Variants in ZNF586 observed in about 807,000 individuals in gnomAD.
ZNF586 encodes zinc finger protein 586.
A neutral mutation model predicts 6.7 loss-of-function variants in ZNF586; 7 were observed. That is an observed-to-expected ratio of 1.04 (90% CI 0.59 to 1.95). The LOEUF is 1.95. Ranked by LOEUF, ZNF586 falls within the 30% of genes most tolerant of loss-of-function variation. The pLI, the probability that ZNF586 is intolerant of heterozygous loss-of-function variation, is 0.00. For synonymous variants in ZNF586, 166 were observed against 168.7 expected (o/e 0.98, Z 0.12); for missense variants, 442 against 489.6 (o/e 0.90, Z 0.92).
In ZNF586 at chr19:57,769,895, C is replaced by G; in HGVS notation, c.36+17C>G. 6.5e-7 allele frequency: 1 copy of G among 1,531,914 alleles called. No homozygotes were observed. Among genetic ancestry groups the G allele is most frequent in the Non-Finnish European group, 8.8e-7 (1 of 1,137,898 alleles). 94.9% of individuals were successfully genotyped at this position (1,531,914 alleles called of 1,614,324 possible). On this transcript the variant is annotated intron_variant, in intron 1 of 2. Transcript: ENST00000396154. ...CCTGCTCAGGTGAGCGCTGCGACCT[C>G]CGGGCCTTACCCACCCTACCCACCC...
Position 57,773,411 on chromosome 19 carries a change from T to C in ZNF586, c.37-3132T>C, listed in dbSNP as rs1290617002. Among the ~76,000 whole-genome samples the C allele has an allele frequency of 2.0e-5, 3 of 150,138 alleles. 1 individual carries two copies. The East Asian group carries it at 5.8e-4, about 29-fold the overall frequency. On this transcript the variant is annotated intron_variant, in intron 1 of 2. Transcript: ENST00000396154. ...TCTGTTTCTTCTTCTTCTTTTTTTT[T>C]TTTTTTTTTTGAGACAGAGTTTTGC...
intron 1 of ZNF586, among the ~76,000 whole-genome samples, chr19:57,775,080 G>A (rs1215393180): frequency 6.6e-6 from 1 of 151,234 alleles, no homozygotes; most frequent in African/African-American, 2.4e-5. Context: ...CTCACTGCAA[G>A]CTCCGCCTCC....
chr19:57,775,466 G>A (rs1355893853), intron 1 of ZNF586, among the ~76,000 whole-genome samples: 1 of 152,126 alleles, frequency 6.6e-6, no homozygotes, highest in Admixed American at 6.5e-5. Context: ...CTATGCTCCA[G>A]CAGGAGTGAC....
Position 57,769,677 on chromosome 19 carries a change from C to A in ZNF586, c.-166C>A. On this transcript the variant is annotated 5_prime_UTR_variant, in exon 1 of 3. Transcript: ENST00000396154. The stretch of plus-strand genomic sequence containing the variant: ...GTCCTAGCCGTGGCAGCCATTTTGG[C>A]CTGTCAGGTCCATCCGGCGATGCTG... 1.4e-6 allele frequency: 1 copy of A among 707,898 alleles called. No homozygotes were observed. The highest frequency in any genetic ancestry group is 2.4e-6 in the Non-Finnish European group (1 of 424,932). The allele number at this position is 707,898 out of a possible 1,614,324, so 43.9% of individuals were successfully genotyped here. A position where few individuals can be genotyped will look rare whatever the true frequency, so the allele number is the denominator to read the frequency against.
At chr19:57,777,468 A>G (rs944320803) in intron 2 of ZNF586, among the ~76,000 whole-genome samples, 6 of 152,268 alleles carry the variant, frequency 3.9e-5, no homozygotes, top group Middle Eastern at 6.8e-3. Context: ...GAGTAAGGTC[A>G]TGACATCAGG....
intron 2 of ZNF586, among the ~76,000 whole-genome samples, chr19:57,778,498 G>C (rs1987295364): frequency 6.6e-6 from 1 of 152,132 alleles, no homozygotes; most frequent in African/African-American, 2.4e-5. Context: ...CCACAGGCAA[G>C]TTGTTTGCAA....
chr19:57,776,774 G>C (rs915613527), intron 2 of ZNF586, 105 bp downstream of exon 2: 2 of 1,332,482 alleles, frequency 1.5e-6, no homozygotes, highest in Admixed American at 2.4e-5. Context: ...TCATTCTCCA[G>C]TTCTCTGGAG....
Position 57,780,460 on chromosome 19 carries a change from A to C in ZNF586, c.*664A>C, listed in dbSNP as rs997308754. 1 of 152,112 alleles carries C rather than the reference A, an allele frequency of 6.6e-6. No individual in the cohort carries two copies. Among genetic ancestry groups the C allele is most frequent in the Non-Finnish European group, 1.5e-5 (1 of 68,048 alleles). 9.4% of individuals were successfully genotyped at this position (152,112 alleles called of 1,614,324 possible). ...AAAAAATGGACTACCTTTTTCAGGG[A>C]TCTTTTGGATCTCACAGAGTTCTTA... On this transcript the variant is annotated 3_prime_UTR_variant, in exon 3 of 3. Transcript: ENST00000396154.
At chr19:57,775,230 C>T (rs1443359955) in intron 1 of ZNF586, among the ~76,000 whole-genome samples, 1 of 152,100 alleles carries the variant, frequency 6.6e-6, no homozygotes, top group African/African-American at 2.4e-5. Flanking sequence ...CTCCTGACCT[C>T]GTGATCTGCC....
At chr19:57,771,129 C>T (rs1296398517) in intron 1 of ZNF586, among the ~76,000 whole-genome samples, 3 of 151,744 alleles carry the variant, frequency 2.0e-5, no homozygotes, top group East Asian at 3.9e-4. Context: ...GTGAAATCCC[C>T]CCTCTACTAA....
At position 57,779,610 on chromosome 19, in the gene ZNF586, A is replaced by G; in HGVS notation, c.1023A>G (p.Gly341=). 6.2e-7 allele frequency: 1 copy of G among 1,613,864 alleles called. No individual in the cohort carries two copies. The highest frequency in any genetic ancestry group is 8.5e-7 in the Non-Finnish European group (1 of 1,179,996). The change falls in exon 3 of 3, where the codon GGA becomes GGG. Residue 341 remains glycine (G), a synonymous_variant. Transcript: ENST00000396154. ...TTATACATCTGAGAGTTCACACTGG[A>G]GAAAGGCCTTATGAGTGCAGTGACT... ...SLIIHLRVHT[G]ERPYECSDCG... is the part of the protein sequence containing the mutation.
At chr19:57,772,935 G>T (rs1423795007) in intron 1 of ZNF586, among the ~76,000 whole-genome samples, 1 of 152,030 alleles carries the variant, frequency 6.6e-6, no homozygotes, top group African/African-American at 2.4e-5. Flanking sequence ...TCCCTGACCG[G>T]TCTCCATTCT....
chr19:57,776,053 G>C (rs1987229364), intron 1 of ZNF586, among the ~76,000 whole-genome samples: 1 of 152,182 alleles, frequency 6.6e-6, no homozygotes, highest in South Asian at 2.1e-4. Context: ...CATAACCCTA[G>C]GGTGAAACTC....
At chr19:57,778,435 G>A (rs1024326264) in intron 2 of ZNF586, among the ~76,000 whole-genome samples, 7 of 152,096 alleles carry the variant, frequency 4.6e-5, no homozygotes, top group African/African-American at 1.2e-4. Context: ...GTCATGTTGG[G>A]GGGGGCCTGG....
chr19:57,776,601 T>C lies in ZNF586; in HGVS notation c.95T>C (p.Leu32Pro). 5.0e-6 allele frequency: 8 copies of C among 1,613,832 alleles called. No homozygotes were observed. Among genetic ancestry groups the C allele is most frequent in the Non-Finnish European group, 6.8e-6 (8 of 1,179,884 alleles). The stretch of plus-strand genomic sequence containing the variant: ...TTTTCCCTGGAGGAATGGAGTCTTC[T>C]TAATGAGGCTCAGAGATGCCTGTAC... ...VNFSLEEWSL[L>P]NEAQRCLYRD... The change falls in exon 2 of 3, where the codon CTT becomes CCT. Residue 32 changes from leucine to proline, a missense_variant. Coordinates refer to ENST00000396154, the MANE Select transcript of ZNF586 (RefSeq NM_017652.4).
intron 2 of ZNF586, 137 bp downstream of exon 2, chr19:57,776,806 T>C: frequency 1.9e-6 from 2 of 1,045,122 alleles, no homozygotes; most frequent in Non-Finnish European, 2.7e-6. Flanking sequence ...TTGGTCGGAC[T>C]GAGGTGTACG....
chr19:57,772,638 G>A (rs1278345630), intron 1 of ZNF586, among the ~76,000 whole-genome samples: 1 of 152,068 alleles, frequency 6.6e-6, no homozygotes, highest in Non-Finnish European at 1.5e-5. Flanking sequence ...ATTTTAAAGA[G>A]TATTTATTAC....
rs1465502491 is a variant in ZNF586 at position 57,769,897 on chromosome 19, G to A, written c.36+19G>A. Reference sequence around the variant, plus strand: ...TGCTCAGGTGAGCGCTGCGACCTCCGGGCCTTACCCACCCTACCCACCCAG... The same window carrying A: ...TGCTCAGGTGAGCGCTGCGACCTCCAGGCCTTACCCACCCTACCCACCCAG... On this transcript the variant is annotated intron_variant, in intron 1 of 2. Transcript: ENST00000396154. 5.9e-6 allele frequency: 9 copies of A among 1,531,292 alleles called. No individual in the cohort carries two copies. Among genetic ancestry groups the A allele is most frequent in the Admixed American group, 2.0e-5 (1 of 49,278 alleles). The allele number at this position is 1,531,292 out of a possible 1,614,324, so 94.9% of individuals were successfully genotyped here.
At chr19:57,772,745 A>G (rs1041328411) in intron 1 of ZNF586, among the ~76,000 whole-genome samples, 5 of 152,164 alleles carry the variant, frequency 3.3e-5, no homozygotes, top group Admixed American at 6.5e-5. Flanking sequence ...GTGTTTGGCT[A>G]TTTGGAAGCT....
Sources: gnomAD v4.1 joint callset for allele counts (sites outside exome capture counted in the v4.1 genomes callset) on GRCh38, gnomAD v4.1.1 for gene constraint, MANE v1.5 for transcripts, NCBI Gene and HGNC (gene_info 2026-07-23, HGNC 2026-07-21) for gene names.